Variants in PCDH15 observed in about 807,000 individuals in gnomAD.
PCDH15 encodes the protein protocadherin-15.
PCDH15 carries 129 observed loss-of-function variants against 178.5 expected under a neutral mutation model. That is an observed-to-expected ratio of 0.72 (90% CI 0.63 to 0.84). The LOEUF is 0.84. Ranked by LOEUF, PCDH15 falls within the 40% of genes least tolerant of loss-of-function variation. The probability of loss-of-function intolerance (pLI) is 0.00; values close to 1 mark genes in which losing one functional copy is unlikely to be tolerated. For missense variants in PCDH15, 2,230 were observed against 2,099.9 expected, an observed-to-expected ratio of 1.06 and a Z score of -1.21; for synonymous variants, 800 against 732.0, an observed-to-expected ratio of 1.09 and a Z score of -1.50.
chr10:54,440,311 A>AT, intron 3 of PCDH15, among the ~76,000 whole-genome samples: 1 of 152,000 alleles, frequency 6.6e-6, no homozygotes, highest in Non-Finnish European at 1.5e-5. Context: ...AAGGTAAAAT[A>AT]GTTTCAAAAC....
chr10:54,311,432 T>C (rs2060900775), intron 8 of PCDH15, among the ~76,000 whole-genome samples: 1 of 151,974 alleles, frequency 6.6e-6, no homozygotes, highest in South Asian at 2.1e-4. Flanking sequence ...CATTAGAAAA[T>C]AAAGCCAAGG....
intron 23 of PCDH15, among the ~76,000 whole-genome samples, chr10:53,945,847 A>G (rs1232323301): frequency 2.7e-3 from 55 of 20,530 alleles, no homozygotes; most frequent in South Asian, 0.013. Flanking sequence ...GTATATATAT[A>G]TATATATATA....
intron 8 of PCDH15, among the ~76,000 whole-genome samples, chr10:54,286,575 G>A (rs1364355312): frequency 6.6e-6 from 1 of 152,088 alleles, no homozygotes; most frequent in Non-Finnish European, 1.5e-5. Context: ...AAATTGTAAT[G>A]TTTTTGTTTT....
chr10:54,360,502 A>G (rs1014838633), intron 5 of PCDH15, among the ~76,000 whole-genome samples: 1 of 152,184 alleles, frequency 6.6e-6, no homozygotes, highest in East Asian at 1.9e-4. Context: ...CTCTATGGTG[A>G]GCTAACTATT....
At position 54,139,158 on chromosome 10, in the gene PCDH15, A is replaced by C. The variant is rs1325635191; in HGVS notation, c.1785-6151T>G. On this transcript the variant is annotated intron_variant, in intron 14 of 37. Transcript: ENST00000644397. ...GGTTATAGAACTATAAACCCAGCTA[A>C]CATAAAATGATCTTGGTTTGTGTAC... Among the ~76,000 whole-genome samples the C allele has an allele frequency of 2.0e-5, 3 of 152,264 alleles. No homozygotes were observed. In the East Asian group the frequency reaches 5.8e-4, roughly 29 times the overall value.
intron 3 of PCDH15, among the ~76,000 whole-genome samples, chr10:54,440,520 T>A (rs1299202592): frequency 1.3e-5 from 2 of 152,000 alleles, no homozygotes; most frequent in Non-Finnish European, 2.9e-5. Flanking sequence ...GGCATATTTT[T>A]TAATGCGGTA....
At chr10:54,623,579 G>A (rs2093454862) in intron 2 of PCDH15, among the ~76,000 whole-genome samples, 1 of 152,046 alleles carries the variant, frequency 6.6e-6, no homozygotes, top group Non-Finnish European at 1.5e-5. Flanking sequence ...AGAGACAAAT[G>A]TTGACTGAAC....
At chr10:53,920,537 G>T (rs2083911576) in intron 25 of PCDH15, among the ~76,000 whole-genome samples, 1 of 151,802 alleles carries the variant, frequency 6.6e-6, no homozygotes, top group African/African-American at 2.4e-5. Flanking sequence ...ATAATGATAA[G>T]TACTGCTTTT....
At chr10:55,385,714 T>TCTATATACACGTATATAG (rs1837639689) in intron 2 of PCDH15, among the ~76,000 whole-genome samples, 1 of 146,246 alleles carries the variant, frequency 6.8e-6, no homozygotes, top group African/African-American at 2.5e-5. Context: ...TATATATATA[T>TCTATATACACGTATATAG]ATATGCATAT....
At chr10:54,468,629 G>C (rs1464464139) in intron 3 of PCDH15, among the ~76,000 whole-genome samples, 1 of 152,140 alleles carries the variant, frequency 6.6e-6, no homozygotes, top group African/African-American at 2.4e-5. Flanking sequence ...ACTCCTGTTG[G>C]ATGAAATGTT....
chr10:55,307,474 G>T (rs1208672777), intron 1 of PCDH15, among the ~76,000 whole-genome samples: 1 of 151,044 alleles, frequency 6.6e-6, no homozygotes, highest in Non-Finnish European at 1.5e-5. Flanking sequence ...CTGCACTCCA[G>T]CCTGGGCAAC....
chr10:55,612,062 A>G (rs1843378580), intron 2 of PCDH15, among the ~76,000 whole-genome samples: 1 of 152,114 alleles, frequency 6.6e-6, no homozygotes, highest in Non-Finnish European at 1.5e-5. Flanking sequence ...GTCAAATGGT[A>G]CAAGGTTCAG....
At chr10:53,987,773 G>A (rs966634193) in intron 21 of PCDH15, among the ~76,000 whole-genome samples, 1 of 152,088 alleles carries the variant, frequency 6.6e-6, no homozygotes, top group Admixed American at 6.6e-5. Context: ...TCCTTACCCT[G>A]TCTGCAAAGT....
At chr10:54,396,621 A>G (rs1349905872) in intron 3 of PCDH15, among the ~76,000 whole-genome samples, 1 of 152,170 alleles carries the variant, frequency 6.6e-6, no homozygotes, top group Non-Finnish European at 1.5e-5. Flanking sequence ...TAATCCTTAA[A>G]AATCAGTCTC....
At chr10:55,424,203 T>C (rs11815251) in intron 2 of PCDH15, among the ~76,000 whole-genome samples, 3,227 of 152,206 alleles carry the variant, frequency 0.021, 114 homozygotes, top group African/African-American at 0.074. Context: ...TACACACAAT[T>C]ATTTTGGGAT....
intron 2 of PCDH15, among the ~76,000 whole-genome samples, chr10:55,039,260 G>C (rs1238867832): frequency 2.0e-5 from 3 of 152,078 alleles, no homozygotes; most frequent in Non-Finnish European, 4.4e-5. Flanking sequence ...GAATCAGAAA[G>C]AGCTTATTTT....
At chr10:54,622,708 A>G (rs1189382832) in intron 2 of PCDH15, among the ~76,000 whole-genome samples, 4 of 29,352 alleles carry the variant, frequency 1.4e-4, no homozygotes, top group African/African-American at 2.6e-4. Context: ...TTTTCTATAT[A>G]TTATATATAA....
intron 1 of PCDH15, among the ~76,000 whole-genome samples, chr10:54,752,521 C>CAAAAA (rs1229369057): frequency 8.5e-5 from 5 of 58,886 alleles, no homozygotes; most frequent in Non-Finnish European, 2.3e-4. Flanking sequence ...AACAAACAAA[C>CAAAAA]AAACAAACAA....
chr10:54,925,040 A>G (rs2131847315), intron 2 of PCDH15, among the ~76,000 whole-genome samples: 2 of 152,176 alleles, frequency 1.3e-5, no homozygotes, highest in Admixed American at 1.3e-4. Flanking sequence ...CCTGCATGGT[A>G]TTGCCAAGGT....
Sources: gnomAD v4.1 joint callset for allele counts (sites outside exome capture counted in the v4.1 genomes callset) on GRCh38, gnomAD v4.1.1 for gene constraint, MANE v1.5 for transcripts, NCBI Gene and HGNC (gene_info 2026-07-23, HGNC 2026-07-21) for gene names.